The following PNPLA7 variants were observed in gnomAD, a reference collection of about 807,000 sequenced individuals.
PNPLA7 encodes the protein patatin-like phospholipase domain-containing protein 7.
PNPLA7 carries 153 observed loss-of-function variants against 161.7 expected under a neutral mutation model. That is an observed-to-expected ratio of 0.95 (90% CI 0.83 to 1.08). The LOEUF (loss-of-function observed/expected upper bound fraction) is 1.08, where lower values mean the gene tolerates loss of function less well. Ranked by LOEUF, PNPLA7 falls within the 50% of genes least tolerant of loss-of-function variation. PNPLA7 has a pLI of 0.00. For missense variants in PNPLA7, 1,739 were observed against 1,856.6 expected (o/e 0.94, Z 1.16); for synonymous variants, 809 against 782.1 (o/e 1.03, Z -0.57).
intron 14 of PNPLA7, among the ~76,000 whole-genome samples, chr9:137,503,181 A>C (rs1833593726): frequency 6.6e-6 from 1 of 152,040 alleles, no homozygotes; most frequent in Non-Finnish European, 1.5e-5. Context: ...TAGGAGTTCA[A>C]GACCAGCCTG....
At chr9:137,544,048 C>G (rs773454427) in intron 4 of PNPLA7, among the ~76,000 whole-genome samples, 1 of 152,200 alleles carries the variant, frequency 6.6e-6, no homozygotes, top group East Asian at 1.9e-4. Context: ...AACAGCCAAC[C>G]CTCCAGAGCC....
At chr9:137,534,573 A>C (rs1457974697) in intron 8 of PNPLA7, among the ~76,000 whole-genome samples, 1 of 152,224 alleles carries the variant, frequency 6.6e-6, no homozygotes, top group Non-Finnish European at 1.5e-5. Context: ...TGCCCTAAAA[A>C]AAAGACCTAC....
At chr9:137,504,847 G>C (rs1043141883) in intron 14 of PNPLA7, among the ~76,000 whole-genome samples, 7 of 152,166 alleles carry the variant, frequency 4.6e-5, no homozygotes, top group Non-Finnish European at 1.5e-5. Flanking sequence ...TGGGTGACCA[G>C]TGCATGGGAA....
intron 31 of PNPLA7, 63 bp from the exon 32 acceptor site, chr9:137,462,104 A>G: frequency 2.0e-6 from 3 of 1,519,278 alleles, no homozygotes; most frequent in Non-Finnish European, 2.7e-6. Context: ...TGTGTTCTCA[A>G]AAGGGGGAAG....
intron 20 of PNPLA7, among the ~76,000 whole-genome samples, chr9:137,488,774 C>T (rs1298626991): frequency 7.0e-6 from 1 of 142,222 alleles, no homozygotes; most frequent in Non-Finnish European, 1.5e-5. Flanking sequence ...CCACCACCCA[C>T]AGCAGGAAAC....
chr9:137,506,656 C>A lies in PNPLA7; in HGVS notation c.1226-573G>T, dbSNP rs924028189. ...GAGGCACCCCCTCCAAAGAGCTCCC[C>A]TGTTGCTGCTTTTGGGCGGCCTCGG... On this transcript the variant is annotated intron_variant, in intron 12 of 34. Coordinates refer to ENST00000406427, the MANE Select transcript of PNPLA7 (RefSeq NM_001098537.3). 3.9e-5 allele frequency among the ~76,000 whole-genome samples: 6 copies of A among 152,244 alleles called. No individual in the cohort carries two copies. The East Asian group carries it at 1.2e-3, about 29-fold the overall frequency.
intron 27 of PNPLA7, 69 bp from the exon 28 acceptor site, chr9:137,464,264 C>T (rs1260986788): frequency 3.1e-6 from 5 of 1,608,774 alleles, no homozygotes; most frequent in Middle Eastern, 3.3e-4. Flanking sequence ...GGGAGGCTGA[C>T]CCAGGGCCAA....
Position 137,460,294 on chromosome 9 carries a change from A to G in PNPLA7, c.*99T>C. 8.0e-7 allele frequency: 1 copy of G among 1,255,372 alleles called. No individual in the cohort carries two copies. The highest frequency in any genetic ancestry group is 1.1e-6 in the Non-Finnish European group (1 of 907,888). 77.8% of individuals were successfully genotyped at this position (1,255,372 alleles called of 1,614,324 possible). The stretch of plus-strand genomic sequence containing the variant: ...GGGCCCCGGGGAAGTCAGGGCTTCC[A>G]GCAGGGCAGGTACAGAGGCCCCTAG... On this transcript the variant is annotated 3_prime_UTR_variant, in exon 35 of 35. Transcript: ENST00000406427.
chr9:137,497,954 C>T lies in PNPLA7; in HGVS notation c.1889+160G>A, dbSNP rs149496894. On this transcript the variant is annotated intron_variant, in intron 17 of 34. Coordinates refer to ENST00000406427, the MANE Select transcript of PNPLA7 (RefSeq NM_001098537.3). Reference sequence around the variant, plus strand: ...TCCAGGAGGCCACGAAGTGTGTTTCCGAGCTAAGCTGGGGTGGGGCTGGGG... The same window carrying T: ...TCCAGGAGGCCACGAAGTGTGTTTCTGAGCTAAGCTGGGGTGGGGCTGGGG... Among the ~76,000 whole-genome samples the T allele has an allele frequency of 9.8e-5, 15 of 152,368 alleles. 1 individual carries two copies. The highest frequency in any genetic ancestry group is 2.6e-4 in the African/African-American group (11 of 41,598).
At chr9:137,488,285 C>T (rs1432293414) in intron 20 of PNPLA7, among the ~76,000 whole-genome samples, 1 of 152,182 alleles carries the variant, frequency 6.6e-6, no homozygotes, top group Non-Finnish European at 1.5e-5. Flanking sequence ...TTTTATTTTT[C>T]CTGCAGCTTT....
chr9:137,519,862 C>A, intron 11 of PNPLA7, 55 bp downstream of exon 11: 1 of 1,567,960 alleles, frequency 6.4e-7, no homozygotes, highest in Non-Finnish European at 8.7e-7. Flanking sequence ...GCAGTGGGAG[C>A]AGGATCCCCC....
At chr9:137,466,097 G>T (rs1042676814) in intron 26 of PNPLA7, among the ~76,000 whole-genome samples, 2 of 152,134 alleles carry the variant, frequency 1.3e-5, no homozygotes, top group Non-Finnish European at 2.9e-5. Context: ...AACCCAGGCC[G>T]GGTGCCATGC....
chr9:137,503,202 C>T (rs1175718395), intron 14 of PNPLA7, among the ~76,000 whole-genome samples: 2 of 151,776 alleles, frequency 1.3e-5, no homozygotes, highest in African/African-American at 4.8e-5. Flanking sequence ...GGAAACATGG[C>T]AAAACCCCGT....
chr9:137,513,436 A>T (rs186227978), intron 12 of PNPLA7, among the ~76,000 whole-genome samples: 49 of 151,682 alleles, frequency 3.2e-4, no homozygotes, highest in African/African-American at 1.1e-3. Context: ...AGATCACACC[A>T]TTGCACTCCA....
intron 26 of PNPLA7, among the ~76,000 whole-genome samples, chr9:137,466,264 C>T (rs1239017118): frequency 6.6e-6 from 1 of 152,218 alleles, no homozygotes; most frequent in East Asian, 1.9e-4. Context: ...TTCTTTTCCA[C>T]AATCCTGGCA....
intron 14 of PNPLA7, among the ~76,000 whole-genome samples, chr9:137,504,651 T>C (rs903679788): frequency 2.0e-5 from 3 of 152,060 alleles, no homozygotes; most frequent in Admixed American, 1.3e-4. Context: ...GGGTGAGCAA[T>C]CGCAGCTTTT....
chr9:137,481,279 A>C (rs967586501), intron 21 of PNPLA7, among the ~76,000 whole-genome samples: 1 of 152,186 alleles, frequency 6.6e-6, no homozygotes. Flanking sequence ...GCCCTGAAGG[A>C]GGCCTCGGGT....
rs770768021 is a variant in PNPLA7 at position 137,460,447 on chromosome 9, G to T, written c.3975C>A (p.His1325Gln). The change falls in exon 35 of 35, where the codon CAC becomes CAA. Residue 1325 changes from histidine (H) to glutamine (Q), a missense_variant. His to Gln is a conservative substitution (Grantham distance 24, BLOSUM62 0). Transcript: ENST00000406427. ...ACAGTTTTGGGAAAGCCAGACTGGG[G>T]TGTCGATGCCGCAGTGAGGACTCGT... ...LEDESSLRHR[H>Q]PSLAFPKLSE... The T allele has an allele frequency of 1.2e-6, 2 of 1,612,756 alleles. No individual in the cohort carries two copies. The highest frequency in any genetic ancestry group is 1.7e-6 in the Non-Finnish European group (2 of 1,179,930).
chr9:137,529,257 A>AGT (rs1835454308), intron 8 of PNPLA7, among the ~76,000 whole-genome samples: 1 of 152,198 alleles, frequency 6.6e-6, no homozygotes, highest in African/African-American at 2.4e-5. Flanking sequence ...AGCCTCCCAC[A>AGT]GTGCTGGGAT....
Sources: gnomAD v4.1 joint callset for allele counts (sites outside exome capture counted in the v4.1 genomes callset) on GRCh38, gnomAD v4.1.1 for gene constraint, MANE v1.5 for transcripts, NCBI Gene and HGNC (gene_info 2026-07-23, HGNC 2026-07-21) for gene names.